CAPZB: variants seen among roughly 807,000 people sequenced by gnomAD.
The protein encoded by CAPZB is F-actin-capping protein subunit beta.
In CAPZB, 2 loss-of-function variants were observed where a neutral mutation model predicts 38.1. That is an observed-to-expected ratio of 0.05 (90% confidence interval 0.02 to 0.17). The LOEUF is 0.17. Among genes scored for constraint, CAPZB ranks in the 10% least tolerant of loss-of-function variants. The pLI, the probability that CAPZB is intolerant of heterozygous loss-of-function variation, is 1.00. For synonymous variants in CAPZB, 107 were observed against 127.4 expected (o/e 0.84, Z 1.08); for missense variants, 161 against 334.2 (o/e 0.48, Z 4.04).
At position 19,356,532 on chromosome 1, in the gene CAPZB, C is replaced by A. The variant is rs185846694; in HGVS notation, c.588+103G>T. On this transcript the variant is annotated intron_variant, in intron 6 of 8. Transcript: ENST00000264202. The surrounding 1 kb of genome is among the most constrained non-coding windows in gnomAD (Gnocchi z 4.3). ...GATGGTGGATTTATAGCTGGCTGAA[C>A]ATGCTTACCCTAAATGGGGCACCTG... The A allele has an allele frequency of 2.9e-5, 23 of 795,310 alleles. 1 individual carries two copies. In the East Asian group the frequency reaches 5.6e-4, roughly 19 times the overall value. 49.3% of individuals were successfully genotyped at this position (795,310 alleles called of 1,614,324 possible). A position where few individuals can be genotyped will look rare whatever the true frequency, so the allele number is the denominator to read the frequency against.
chr1:19,339,713 T>G, intron 8 of CAPZB, 96 bp from the exon 9 acceptor site: 1 of 934,464 alleles, frequency 1.1e-6, no homozygotes, highest in South Asian at 1.3e-5. Context: ...GCTGATTTGC[T>G]GCATGGACCC....
chr1:19,341,709 T>G (rs1489603460), intron 8 of CAPZB, among the ~76,000 whole-genome samples: 1 of 152,210 alleles, frequency 6.6e-6, no homozygotes, highest in Non-Finnish European at 1.5e-5. Flanking sequence ...AAAAAGAGTT[T>G]TTTCTCAATG....
chr1:19,481,973 A>G (rs1005607183), intron 1 of CAPZB, among the ~76,000 whole-genome samples: 17 of 152,116 alleles, frequency 1.1e-4, no homozygotes, highest in African/African-American at 4.1e-4. Flanking sequence ...AATACACAAA[A>G]AGCTGAATTA....
At chr1:19,393,806 C>G (rs1375261943) in intron 2 of CAPZB, among the ~76,000 whole-genome samples, 1 of 152,360 alleles carries the variant, frequency 6.6e-6, no homozygotes, top group South Asian at 2.1e-4. Flanking sequence ...CAGCCCACAG[C>G]AGATCCGACA....
chr1:19,403,175 T>C (rs953289457), intron 2 of CAPZB, among the ~76,000 whole-genome samples: 2 of 152,232 alleles, frequency 1.3e-5, no homozygotes, highest in African/African-American at 4.8e-5. Flanking sequence ...GTGCTTCAGC[T>C]TAGGCAGGGC....
chr1:19,391,603 C>T (rs1011469174), intron 2 of CAPZB, among the ~76,000 whole-genome samples: 8 of 152,230 alleles, frequency 5.3e-5, no homozygotes, highest in Non-Finnish European at 1.2e-4. Flanking sequence ...GTGGCACATA[C>T]ACTCGTGTCA....
chr1:19,357,623 C>T lies in CAPZB; in HGVS notation c.330-60G>A. The T allele has an allele frequency of 6.4e-7, 1 of 1,567,678 alleles. No homozygotes were observed. Among genetic ancestry groups the T allele is most frequent in the Non-Finnish European group, 8.7e-7 (1 of 1,142,940 alleles). The stretch of plus-strand genomic sequence containing the variant: ...TAAAGGACAGATCATCAGCCTGGGT[C>T]CCAGGCTGCTGCTCAGCAAAGATTC... On this transcript the variant is annotated intron_variant, in intron 4 of 8. Coordinates refer to ENST00000264202, the MANE Select transcript of CAPZB (RefSeq NM_004930.5). This position sits in a 1 kb window ranked among gnomAD's most constrained non-coding sequence, Gnocchi z 4.3.
intron 1 of CAPZB, among the ~76,000 whole-genome samples, chr1:19,469,648 G>C (rs16862800): frequency 6.6e-6 from 1 of 151,340 alleles, no homozygotes; most frequent in Non-Finnish European, 1.5e-5. Flanking sequence ...CAAAGTGACC[G>C]GTTCAAGAAG....
intron 1 of CAPZB, among the ~76,000 whole-genome samples, chr1:19,445,433 C>T (rs1193659428): frequency 2.6e-5 from 4 of 151,930 alleles, no homozygotes; most frequent in Admixed American, 6.6e-5. Context: ...ACTTTCCCCG[C>T]TTTGCCCTTT....
At chr1:19,468,262 A>G (rs950923668) in intron 1 of CAPZB, among the ~76,000 whole-genome samples, 2 of 152,208 alleles carry the variant, frequency 1.3e-5, no homozygotes, top group African/African-American at 4.8e-5. Flanking sequence ...AAACTTTTCC[A>G]TAATAAACAT....
In CAPZB at chr1:19,399,317, A is replaced by T. The variant is rs568116718; in HGVS notation, c.94-13691T>A. On this transcript the variant is annotated intron_variant, in intron 2 of 8. Transcript: ENST00000264202. ...GAGAACCACATGGATCCAAGACATC[A>T]CAGGTAGACATCCAGGAAACCAACA... Among the ~76,000 whole-genome samples, 12 of 152,370 alleles carry T rather than the reference A, an allele frequency of 7.9e-5. No individual in the cohort carries two copies. The South Asian group carries it at 1.5e-3, about 18-fold the overall frequency.
At chr1:19,457,461 C>T (rs2094536520) in intron 1 of CAPZB, among the ~76,000 whole-genome samples, 2 of 152,188 alleles carry the variant, frequency 1.3e-5, no homozygotes. Context: ...TCTTACAATA[C>T]TATGTACTGA....
chr1:19,359,464 G>A (rs905165162), intron 4 of CAPZB, among the ~76,000 whole-genome samples: 5 of 152,124 alleles, frequency 3.3e-5, no homozygotes, highest in African/African-American at 9.7e-5. Flanking sequence ...CCTGCCCAGG[G>A]CTCCCTCAGG....
intron 8 of CAPZB, chr1:19,342,921 GGAA>G: frequency 1.9e-6 from 2 of 1,028,032 alleles, no homozygotes; most frequent in Non-Finnish European, 3.1e-6. Context: ...CGAGAAGCCA[GGAA>G]CGCAGGGGGC....
intron 1 of CAPZB, among the ~76,000 whole-genome samples, chr1:19,472,516 A>G (rs4912103): frequency 0.88 from 133,956 of 151,972 alleles, 60,702 homozygotes; most frequent in East Asian, 1. Context: ...TCCTCATACT[A>G]TGCTCTATTA....
chr1:19,482,114 T>C (rs1450131275), intron 1 of CAPZB, among the ~76,000 whole-genome samples: 3 of 152,190 alleles, frequency 2.0e-5, no homozygotes, highest in African/African-American at 4.8e-5. Flanking sequence ...TTCCCTGTGG[T>C]CAGTCATGTC....
intron 6 of CAPZB, among the ~76,000 whole-genome samples, chr1:19,351,950 C>G (rs2093993849): frequency 6.6e-6 from 1 of 152,188 alleles, no homozygotes; most frequent in Non-Finnish European, 1.5e-5. Flanking sequence ...ACTGGTCACT[C>G]CACCCCAGGT....
chr1:19,480,856 G>A (rs551557726), intron 1 of CAPZB, among the ~76,000 whole-genome samples: 35 of 152,288 alleles, frequency 2.3e-4, no homozygotes, highest in Admixed American at 1.4e-3. Flanking sequence ...CAGGCAGTAC[G>A]GAGTGGAGAA....
Position 19,419,706 on chromosome 1 carries a change from C to G in CAPZB, c.48G>C (p.Leu16=), listed in dbSNP as rs1269099874. Residue 16 remains leucine (L), a synonymous_variant, in exon 2 of 9, where the codon CTG becomes CTC. Coordinates refer to ENST00000264202, the MANE Select transcript of CAPZB (RefSeq NM_004930.5). ...LDCALDLMRR[L]PPQQIEKNLS... is the part of the protein sequence containing the mutation. ...GGTTTTTCTCGATTTGCTGGGGAGGCAGGCGCCTCATTAGGTCCAAGGCAC... is the reference window on the plus strand; with the variant it reads ...GGTTTTTCTCGATTTGCTGGGGAGGGAGGCGCCTCATTAGGTCCAAGGCAC... The G allele has an allele frequency of 6.3e-7, 1 of 1,596,246 alleles. No homozygotes were observed. Among genetic ancestry groups the G allele is most frequent in the Non-Finnish European group, 8.5e-7 (1 of 1,170,428 alleles).
Sources: gnomAD v4.1 joint callset for allele counts (sites outside exome capture counted in the v4.1 genomes callset) on GRCh38, gnomAD v4.1.1 for gene constraint, Gnocchi (gnomAD v3.1) non-coding constraint, MANE v1.5 for transcripts, NCBI Gene and HGNC (gene_info 2026-07-23, HGNC 2026-07-21) for gene names.